Variants in NXNL2 observed in about 807,000 individuals in gnomAD.
NXNL2 encodes the protein nucleoredoxin like 2.
In NXNL2, 7 loss-of-function variants were observed where a neutral mutation model predicts 11.1. The observed-to-expected ratio is 0.63, with a 90% CI of 0.36 to 1.18. The LOEUF is 1.18. Among genes scored for constraint, NXNL2 ranks in the 50% most tolerant of loss-of-function variants. The pLI is 0.02. For synonymous variants in NXNL2, 109 were observed against 101.8 expected, an observed-to-expected ratio of 1.07 and a Z score of -0.42; for missense variants, 233 against 217.7, an observed-to-expected ratio of 1.07 and a Z score of -0.44.
chr9:88,554,592 T>TA (rs1237949467), intron 1 of NXNL2, among the ~76,000 whole-genome samples: 1 of 152,216 alleles, frequency 6.6e-6, no homozygotes, highest in African/African-American at 2.4e-5. Flanking sequence ...TTTATGTTGA[T>TA]AATAACCATC....
rs536060228 is a variant in NXNL2 at position 88,566,348 on chromosome 9, G to A, written c.303-4739G>A. On this transcript the variant is annotated intron_variant, in intron 1 of 2. Transcript: ENST00000375855. ...CTTGGTCTGTTACTCAGGCTGGAGT[G>A]CAGTGGCATGAACTCAGCTCATGAC... is the stretch of plus-strand genomic sequence containing the variant. Among the ~76,000 whole-genome samples, 4 of 151,698 alleles carry A rather than the reference G, an allele frequency of 2.6e-5. No homozygotes were observed. The South Asian group carries it at 8.3e-4, about 32-fold the overall frequency.
chr9:88,553,552 C>T (rs998899704), intron 1 of NXNL2, among the ~76,000 whole-genome samples: 1 of 152,078 alleles, frequency 6.6e-6, no homozygotes, highest in Non-Finnish European at 1.5e-5. Context: ...ATTTTTTTCT[C>T]CTGGTGCTAC....
chr9:88,558,670 A>G (rs1266833842), intron 1 of NXNL2, among the ~76,000 whole-genome samples: 1 of 152,112 alleles, frequency 6.6e-6, no homozygotes, highest in Non-Finnish European at 1.5e-5. Flanking sequence ...ACATATCCCA[A>G]CCTGCCTGCT....
chr9:88,543,993 A>C (rs1265996214), intron 1 of NXNL2, among the ~76,000 whole-genome samples: 1 of 152,178 alleles, frequency 6.6e-6, no homozygotes, highest in Admixed American at 6.5e-5. Context: ...AACATGGTGA[A>C]ACCCCATCTC....
chr9:88,582,026 C>A (rs981791497), intron 1 of NXNL2, among the ~76,000 whole-genome samples: 1 of 152,214 alleles, frequency 6.6e-6, no homozygotes, highest in Admixed American at 6.5e-5. Context: ...CACTCCCCAC[C>A]CCAGAGCTCA....
At chr9:88,559,946 G>C (rs1830065846) in intron 1 of NXNL2, among the ~76,000 whole-genome samples, 1 of 152,112 alleles carries the variant, frequency 6.6e-6, no homozygotes, top group African/African-American at 2.4e-5. Flanking sequence ...GTGAGTGTCT[G>C]GAGGGTTTCT....
At chr9:88,562,629 G>A (rs1446875516) in intron 1 of NXNL2, among the ~76,000 whole-genome samples, 6 of 151,530 alleles carry the variant, frequency 4.0e-5, no homozygotes, top group Admixed American at 1.3e-4. Flanking sequence ...GGCGTGGCCC[G>A]TAATACCAGC....
downstream of NXNL2, among the ~76,000 whole-genome samples, chr9:88,578,766 C>T (rs1830377539): frequency 1.3e-5 from 2 of 152,362 alleles, no homozygotes; most frequent in Middle Eastern, 3.4e-3. Flanking sequence ...TGGAGCTCAG[C>T]CTCGACTGGG....
downstream of NXNL2, among the ~76,000 whole-genome samples, chr9:88,547,298 C>T (rs10868793): frequency 0.35 from 53,953 of 152,176 alleles, 17,672 homozygotes; most frequent in African/African-American, 0.83. Flanking sequence ...CTCCCCTCTC[C>T]CAGGAGAGGC....
intron 1 of NXNL2, 39 bp downstream of exon 1, chr9:88,535,775 C>A (rs377574240): frequency 1.3e-6 from 2 of 1,493,370 alleles, no homozygotes; most frequent in Non-Finnish European, 1.8e-6. Context: ...CCGCCCGGCA[C>A]GTCTCCCCCA....
chr9:88,562,526 G>C (rs1188064014), intron 1 of NXNL2, among the ~76,000 whole-genome samples: 16 of 152,224 alleles, frequency 1.1e-4, no homozygotes, highest in Admixed American at 1.0e-3. Context: ...GCCGAGGTGG[G>C]TGGATCACTT....
In NXNL2 at chr9:88,581,499, G is replaced by A. The variant is rs115053935; in HGVS notation, n.552-2500G>A. Among the ~76,000 whole-genome samples, 1,436 of 151,856 alleles carry A rather than the reference G, an allele frequency of 9.5e-3. 24 individuals carry two copies. The highest frequency in any genetic ancestry group is 0.033 in the African/African-American group (1,352 of 41,402). On this transcript the variant is annotated intron_variant and non_coding_transcript_variant, in intron 1 of 1. Transcript: ENST00000478686. ...GCCCAGGCTGCAGGAGTGCAATGGC[G>A]TGATCTCAGCTCACCACAACCTCTG...
At chr9:88,548,604 G>T (rs1019390840), downstream of NXNL2, among the ~76,000 whole-genome samples, 1 of 148,560 alleles carries the variant, frequency 6.7e-6, no homozygotes, top group Non-Finnish European at 1.5e-5. Flanking sequence ...GGGAGGCTGA[G>T]CCTGGGAGGC....
At chr9:88,580,513 C>T (rs1564079299), downstream of NXNL2, among the ~76,000 whole-genome samples, 3 of 151,530 alleles carry the variant, frequency 2.0e-5, no homozygotes, top group Non-Finnish European at 4.4e-5. Context: ...GAGCTTCTCT[C>T]TTTTTTTTTC....
chr9:88,540,935 A>ATTTTTTTTTTTT (rs71507764), intron 1 of NXNL2, among the ~76,000 whole-genome samples: 2 of 91,080 alleles, frequency 2.2e-5, no homozygotes, highest in African/African-American at 9.9e-5. Context: ...ATCTCAGTAG[A>ATTTTTTTTTTTT]TTTTTTTTTT....
chr9:88,573,106 T>G (rs1247483243), intron 2 of NXNL2, among the ~76,000 whole-genome samples: 1 of 152,154 alleles, frequency 6.6e-6, no homozygotes, highest in African/African-American at 2.4e-5. Flanking sequence ...GAACATTTAT[T>G]GAAATTGTTC....
chr9:88,535,626 C>A lies in NXNL2; in HGVS notation c.192C>A (p.Pro64=), dbSNP rs769965204. Residue 64 remains proline, a synonymous_variant, in exon 1 of 2, where the codon CCC becomes CCA. Transcript: ENST00000375854. ...TGGCCGAGGCGCGGCGGCCCGCGCC[C>A]TTCGAAGTGGTCTTCGTGTCAGCCG... ...ALVAEARRPA[P]FEVVFVSADG... The A allele has an allele frequency of 5.0e-6, 8 of 1,609,134 alleles. No individual in the cohort carries two copies. The South Asian group carries it at 8.8e-5, about 18-fold the overall frequency.
intron 1 of NXNL2, among the ~76,000 whole-genome samples, chr9:88,537,877 A>G (rs1829661456): frequency 6.6e-6 from 1 of 152,168 alleles, no homozygotes; most frequent in South Asian, 2.1e-4. Context: ...GGCTGAGATG[A>G]CAGACTAGAG....
intron 1 of NXNL2, among the ~76,000 whole-genome samples, chr9:88,556,387 A>T (rs1830011143): frequency 6.6e-6 from 1 of 152,162 alleles, no homozygotes; most frequent in African/African-American, 2.4e-5. Flanking sequence ...GAGAGTCAGC[A>T]AGGCAGAGAA....
Sources: gnomAD v4.1 joint callset for allele counts (sites outside exome capture counted in the v4.1 genomes callset) on GRCh38, gnomAD v4.1.1 for gene constraint, MANE v1.5 for transcripts, NCBI Gene and HGNC (gene_info 2026-07-23, HGNC 2026-07-21) for gene names.